The following NAV2 variants were observed in gnomAD, a reference collection of about 807,000 sequenced individuals.
The protein encoded by NAV2 is neuron navigator 2.
NAV2 carries 54 observed loss-of-function variants against 223.2 expected under a neutral mutation model. That is an observed-to-expected ratio of 0.24 (90% CI 0.19 to 0.30). The LOEUF (loss-of-function observed/expected upper bound fraction) is 0.30. Among genes scored for constraint, NAV2 ranks in the 10% least tolerant of loss-of-function variants. The pLI is 1.00. For missense variants in NAV2, 2,806 were observed against 3,147.5 expected (o/e 0.89, Z 2.60); for synonymous variants, 1,279 against 1,239.3 (o/e 1.03, Z -0.67).
rs1850278274 is a variant in NAV2, at chr11:19,414,420, T to C, written c.75+63393T>C. On this transcript the variant is annotated intron_variant, in intron 1 of 37. Transcript: ENST00000360655. The stretch of plus-strand genomic sequence containing the variant: ...CTATCCTAAATATATATGCACCAAA[T>C]ACAGGATCACCCAGATTTATAAAGC... Among the ~76,000 whole-genome samples the C allele has an allele frequency of 1.3e-5, 2 of 152,178 alleles. 1 individual carries two copies. The highest frequency in any genetic ancestry group is 1.3e-4 in the Admixed American group (2 of 15,284).
intron 19 of NAV2, among the ~76,000 whole-genome samples, chr11:20,057,673 G>A (rs537657222): frequency 2.0e-5 from 3 of 152,268 alleles, no homozygotes; most frequent in African/African-American, 4.8e-5. Context: ...AGTTTGTCCC[G>A]CACTGTATTC....
At chr11:19,901,388 A>G (rs533118421) in intron 6 of NAV2, among the ~76,000 whole-genome samples, 1 of 152,252 alleles carries the variant, frequency 6.6e-6, no homozygotes, top group Admixed American at 6.5e-5. Flanking sequence ...CTCTAATAAA[A>G]ATACAAAAAT....
chr11:19,750,548 TC>T (rs1263591981), intron 1 of NAV2, among the ~76,000 whole-genome samples: 2 of 152,204 alleles, frequency 1.3e-5, no homozygotes, highest in African/African-American at 2.4e-5. Flanking sequence ...TATCCCACCT[TC>T]CTGCTGCCTT....
At chr11:19,634,841 G>A (rs764596811) in intron 1 of NAV2, among the ~76,000 whole-genome samples, 1 of 152,214 alleles carries the variant, frequency 6.6e-6, no homozygotes, top group Non-Finnish European at 1.5e-5. Flanking sequence ...AGTGATGCCA[G>A]ACTGTTGGAG....
At chr11:19,791,197 T>G (rs1194291347) in intron 1 of NAV2, among the ~76,000 whole-genome samples, 1 of 152,190 alleles carries the variant, frequency 6.6e-6, no homozygotes, top group Non-Finnish European at 1.5e-5. Context: ...AGACAAGTCC[T>G]GCCCACGTGG....
At chr11:20,113,369 C>T (rs879854533) in intron 36 of NAV2, among the ~76,000 whole-genome samples, 2 of 152,072 alleles carry the variant, frequency 1.3e-5, no homozygotes, top group Non-Finnish European at 2.9e-5. Context: ...TACAGAGCCT[C>T]GTGTTGGGCC....
At chr11:19,735,291 C>T (rs1463079888) in intron 1 of NAV2, among the ~76,000 whole-genome samples, 7 of 152,182 alleles carry the variant, frequency 4.6e-5, no homozygotes, top group South Asian at 4.1e-4. Context: ...CCCCTGCTCA[C>T]GCTCCCTGGC....
intron 1 of NAV2, among the ~76,000 whole-genome samples, chr11:19,449,097 T>C (rs917896637): frequency 3.3e-5 from 5 of 152,192 alleles, no homozygotes; most frequent in Non-Finnish European, 7.3e-5. Context: ...TTATTTTTGG[T>C]TCTCCACACT....
At chr11:19,858,628 T>G (rs1037057558) in intron 3 of NAV2, among the ~76,000 whole-genome samples, 1 of 152,210 alleles carries the variant, frequency 6.6e-6, no homozygotes, top group Non-Finnish European at 1.5e-5. Context: ...TTCCATACTG[T>G]TTTTCATAAT....
chr11:20,118,281 C>T lies in NAV2; in HGVS notation c.*23C>T. 1.2e-6 allele frequency: 2 copies of T among 1,612,110 alleles called. No homozygotes were observed. Among genetic ancestry groups the T allele is most frequent in the Non-Finnish European group, 1.7e-6 (2 of 1,179,392 alleles). Reference sequence around the variant, plus strand: ...TGACAGGGGCCCGGAGCCCAGCGCCCTCCTCTTCTCCTCACCGCATTCCAC... The same window carrying T: ...TGACAGGGGCCCGGAGCCCAGCGCCTTCCTCTTCTCCTCACCGCATTCCAC... On this transcript the variant is annotated 3_prime_UTR_variant, in exon 38 of 38. Coordinates refer to ENST00000349880, the MANE Select transcript of NAV2 (RefSeq NM_145117.5).
intron 1 of NAV2, among the ~76,000 whole-genome samples, chr11:19,785,252 A>G (rs1186240537): frequency 2.0e-5 from 3 of 152,216 alleles, no homozygotes; most frequent in African/African-American, 7.2e-5. Context: ...GGACCCAGAG[A>G]GCTGAAATGA....
rs1251188773 is a variant in NAV2, at chr11:19,568,188, G to A, written c.75+217161G>A. On this transcript the variant is annotated intron_variant, in intron 1 of 37. Coordinates refer to the NAV2 transcript ENST00000360655. ...CATTCTTCTCTAGGCTTTGGCACAA[G>A]CCACAGCTCACATTCTTCCTTTGAG... is the stretch of plus-strand genomic sequence containing the variant. Among the ~76,000 whole-genome samples the A allele has an allele frequency of 2.6e-5, 4 of 152,354 alleles. No homozygotes were observed. The East Asian group carries it at 7.7e-4, about 29-fold the overall frequency.
Position 19,933,864 on chromosome 11 carries a change from C to T in NAV2, c.1620C>T (p.Ala540=), listed in dbSNP as rs1299500689. The T allele has an allele frequency of 2.5e-6, 4 of 1,603,622 alleles. No individual in the cohort carries two copies. The highest frequency in any genetic ancestry group is 1.7e-5 in the Admixed American group (1 of 57,372). ...TGCCAAAAAAGTCCTCCAAGATTGC[C>T]AGCTTCATCCCCAAAGGGGGGAAGC... ...PEMPKKSSKI[A]SFIPKGGKLN... Residue 540 remains alanine (A), a synonymous_variant, in exon 7 of 38, where the codon GCC becomes GCT. Transcript: ENST00000349880. This position sits in a 1 kb window ranked among gnomAD's most constrained non-coding sequence, Gnocchi z 4.3.
intron 1 of NAV2, among the ~76,000 whole-genome samples, chr11:19,731,170 G>A (rs2152416857): frequency 6.6e-6 from 1 of 152,296 alleles, no homozygotes; most frequent in South Asian, 2.1e-4. Flanking sequence ...CCAAGGTGGG[G>A]GATAGGGAGA....
At chr11:19,356,378 T>G (rs1177586449) in intron 1 of NAV2, among the ~76,000 whole-genome samples, 2 of 152,202 alleles carry the variant, frequency 1.3e-5, no homozygotes, top group African/African-American at 4.8e-5. Context: ...TATTCATTCA[T>G]CCTACTTTGT....
rs761940891 is a variant in NAV2 at position 20,035,954 on chromosome 11, G to A, written c.2769-5G>A. On this transcript the variant is annotated splice_region_variant and splice_polypyrimidine_tract_variant and intron_variant, in intron 11 of 37. Coordinates refer to ENST00000349880, the MANE Select transcript of NAV2 (RefSeq NM_145117.5). The stretch of plus-strand genomic sequence containing the variant: ...GGTGCTCAGGATGTGTGTTTGTCTT[G>A]GCAGCTGGGACGACAGCAGCTCCGT... 3.7e-6 allele frequency: 6 copies of A among 1,614,050 alleles called. No homozygotes were observed. The Admixed American group carries it at 1.0e-4, about 27-fold the overall frequency.
intron 1 of NAV2, among the ~76,000 whole-genome samples, chr11:19,757,415 C>T (rs1439357570): frequency 6.6e-6 from 1 of 152,158 alleles, no homozygotes; most frequent in African/African-American, 2.4e-5. Context: ...CTGCAGGTTG[C>T]ACAAGAGAGC....
At chr11:19,359,846 T>A (rs532263971) in intron 1 of NAV2, among the ~76,000 whole-genome samples, 1 of 152,296 alleles carries the variant, frequency 6.6e-6, no homozygotes, top group East Asian at 1.9e-4. Flanking sequence ...TCTCTGCCTG[T>A]CTTGGTTCAG....
rs972540155 is a variant in NAV2 at position 19,516,627 on chromosome 11, T to C, written c.75+165600T>C. 6.6e-5 allele frequency among the ~76,000 whole-genome samples: 10 copies of C among 152,290 alleles called. No homozygotes were observed. In the Middle Eastern group the frequency reaches 0.01, roughly 155 times the overall value. On this transcript the variant is annotated intron_variant, in intron 1 of 37. Transcript: ENST00000360655. ...GAGCATGAGGGTTCGGGGGAGATGA[T>C]AGAATGCACTTGCAATTTTGGCTAG...
Sources: allele counts gnomAD v4.1 joint callset (sites outside exome capture counted in the v4.1 genomes callset), GRCh38; gene constraint gnomAD v4.1.1; non-coding constraint Gnocchi (gnomAD v3.1); transcripts MANE v1.5; gene names NCBI Gene and HGNC (gene_info 2026-07-23, HGNC 2026-07-21).